Variants in UBE2K observed in about 807,000 individuals in gnomAD.
UBE2K encodes the protein ubiquitin-conjugating enzyme E2 K.
A neutral mutation model predicts 30.0 loss-of-function variants in UBE2K; 6 were observed. That is an observed-to-expected ratio of 0.20 (90% confidence interval 0.11 to 0.39). The LOEUF (loss-of-function observed/expected upper bound fraction) is 0.39. Ranked by LOEUF, UBE2K falls within the 10% of genes least tolerant of loss-of-function variation. The probability of loss-of-function intolerance (pLI) is 1.00; values close to 1 mark genes in which losing one functional copy is unlikely to be tolerated. For missense variants in UBE2K, 61 were observed against 241.6 expected (o/e 0.25, Z 4.96); for synonymous variants, 86 against 83.7 (o/e 1.03, Z -0.15).
chr4:39,775,032 C>G (rs886951909), intron 5 of UBE2K, 99 bp downstream of exon 5: 1 of 608,974 alleles, frequency 1.6e-6, no homozygotes. Context: ...TCTATTGAAA[C>G]TAAATTTTGA....
At chr4:39,735,876 T>C (rs1371162297) in intron 1 of UBE2K, among the ~76,000 whole-genome samples, 1 of 152,200 alleles carries the variant, frequency 6.6e-6, no homozygotes, top group Non-Finnish European at 1.5e-5. Flanking sequence ...TTTTAAATCC[T>C]ATGTTTTTAT....
At chr4:39,770,904 C>T in intron 4 of UBE2K, 10 of 1,544,684 alleles carry the variant, frequency 6.5e-6, no homozygotes, top group Non-Finnish European at 8.7e-6. Context: ...CTTCACTGGC[C>T]GCAGGAGTGG....
At chr4:39,750,464 G>A (rs10014622) in intron 3 of UBE2K, among the ~76,000 whole-genome samples, 2,856 of 152,198 alleles carry the variant, frequency 0.019, 98 homozygotes, top group African/African-American at 0.065. Context: ...TCAGATTTCC[G>A]TTTTTATTCA....
intron 4 of UBE2K, 45 bp downstream of exon 4, chr4:39,755,784 C>A: frequency 7.3e-7 from 1 of 1,376,372 alleles, no homozygotes; most frequent in Non-Finnish European, 1.0e-6. Context: ...ATATGAATAC[C>A]AAGACTGTAA....
intron 3 of UBE2K, among the ~76,000 whole-genome samples, chr4:39,751,407 T>C (rs1721244709): frequency 6.6e-6 from 1 of 152,166 alleles, no homozygotes; most frequent in Non-Finnish European, 1.5e-5. Context: ...TGCTTTTTGC[T>C]CACACCTGTA....
intron 1 of UBE2K, among the ~76,000 whole-genome samples, chr4:39,708,047 C>G (rs1243075745): frequency 1.3e-5 from 2 of 151,924 alleles, no homozygotes; most frequent in African/African-American, 4.8e-5. Context: ...CAGGCATGCA[C>G]CACCACGCTC....
chr4:39,730,021 A>G (rs1719983476), intron 1 of UBE2K, among the ~76,000 whole-genome samples: 1 of 152,262 alleles, frequency 6.6e-6, no homozygotes, highest in South Asian at 2.1e-4. Flanking sequence ...TGAAATAACT[A>G]TTGATACAGG....
chr4:39,731,534 T>G (rs1318997328), intron 1 of UBE2K, among the ~76,000 whole-genome samples: 1 of 151,974 alleles, frequency 6.6e-6, no homozygotes, highest in African/African-American at 2.4e-5. Context: ...ACAAAAAAAT[T>G]AGCCAGGCGT....
chr4:39,698,414 C>T, intron 1 of UBE2K, 24 bp downstream of exon 1: 3 of 1,601,154 alleles, frequency 1.9e-6, no homozygotes, highest in East Asian at 2.2e-5. Flanking sequence ...TCCCGGATAT[C>T]CCCCACCTCT....
chr4:39,756,987 TGTTTTTTTGGGTG>T (rs1721548553), intron 4 of UBE2K, among the ~76,000 whole-genome samples: 1 of 150,630 alleles, frequency 6.6e-6, no homozygotes, highest in Admixed American at 6.7e-5. Context: ...TTTTAAGCTA[TGTTTTTTTGGGTG>T]TTTTTTTTTT....
At chr4:39,737,354 A>G (rs1720434935) in intron 1 of UBE2K, 66 bp from the exon 2 acceptor site, 2 of 915,472 alleles carry the variant, frequency 2.2e-6, no homozygotes, top group South Asian at 2.1e-5. Flanking sequence ...AAGATTTTTT[A>G]TAGGTAATAC....
chr4:39,771,127 A>G (rs1712790507), intron 4 of UBE2K: 3 of 1,612,694 alleles, frequency 1.9e-6, no homozygotes, highest in South Asian at 2.2e-5. Context: ...GGTGGCTGTA[A>G]GATAGTTGAC....
chr4:39,722,490 C>T (rs1475046742), intron 1 of UBE2K, among the ~76,000 whole-genome samples: 1 of 152,142 alleles, frequency 6.6e-6, no homozygotes, highest in African/African-American at 2.4e-5. Context: ...TTGCAATTAG[C>T]AAGTAAAGGA....
At chr4:39,716,296 G>A (rs967068151) in intron 1 of UBE2K, among the ~76,000 whole-genome samples, 1 of 149,600 alleles carries the variant, frequency 6.7e-6, no homozygotes, top group African/African-American at 2.5e-5. Flanking sequence ...TCCAGGCTGG[G>A]GTGCCGTGTT....
intron 1 of UBE2K, among the ~76,000 whole-genome samples, chr4:39,718,515 ACTC>A (rs1249984557): frequency 6.6e-6 from 1 of 152,098 alleles, no homozygotes; most frequent in East Asian, 1.9e-4. Context: ...ATGCGCCTGC[ACTC>A]CTCAGCCCTT....
rs1345506344 is a variant in UBE2K at position 39,781,445 on chromosome 4, T to C, written c.*3011T>C. The stretch of plus-strand genomic sequence containing the variant: ...GGCAGTTTAAACGGATTTTGCTTAT[T>C]TATGCACTACAGAATGCAGCATACT... On this transcript the variant is annotated 3_prime_UTR_variant, in exon 7 of 7. Transcript: ENST00000261427. 6.6e-6 allele frequency: 1 copy of C among 152,616 alleles called. No homozygotes were observed. Among genetic ancestry groups the C allele is most frequent in the African/African-American group, 2.4e-5 (1 of 41,464 alleles). The allele number at this position is 152,616 out of a possible 1,614,324, so 9.5% of individuals were successfully genotyped here.
chr4:39,711,671 G>A (rs927612182), intron 1 of UBE2K, among the ~76,000 whole-genome samples: 3 of 151,890 alleles, frequency 2.0e-5, no homozygotes, highest in Admixed American at 6.6e-5. Context: ...AGACCTGAGC[G>A]TATTTTCAGC....
intron 4 of UBE2K, chr4:39,761,438 C>T (rs983924481): frequency 6.6e-6 from 1 of 152,202 alleles, no homozygotes; most frequent in Non-Finnish European, 1.5e-5. Context: ...GAACAATTCA[C>T]ATGATTATTC....
intron 4 of UBE2K, among the ~76,000 whole-genome samples, chr4:39,761,761 T>C (rs1711960913): frequency 6.6e-6 from 1 of 152,234 alleles, no homozygotes; most frequent in South Asian, 2.1e-4. Context: ...AAAGCATGTT[T>C]TCAGTTATAT....
Sources: gnomAD v4.1 joint callset for allele counts (sites outside exome capture counted in the v4.1 genomes callset) on GRCh38, gnomAD v4.1.1 for gene constraint, MANE v1.5 for transcripts, NCBI Gene and HGNC (gene_info 2026-07-23, HGNC 2026-07-21) for gene names.